Variants in FAM124A observed in about 807,000 individuals in gnomAD.
The protein encoded by FAM124A is protein FAM124A.
In FAM124A, 23 loss-of-function variants were observed where a neutral mutation model predicts 24.5. That is an observed-to-expected ratio of 0.94 (90% CI 0.68 to 1.33). The LOEUF (loss-of-function observed/expected upper bound fraction) is 1.33. Ranked by LOEUF, FAM124A falls within the 40% of genes most tolerant of loss-of-function variation. The probability of loss-of-function intolerance (pLI) is 0.00; values close to 1 mark genes in which losing one functional copy is unlikely to be tolerated. For synonymous variants in FAM124A, 287 were observed against 314.7 expected (o/e 0.91, Z 0.93); for missense variants, 623 against 722.8 (o/e 0.86, Z 1.58).
chr13:51,246,902 A>G (rs555603435), intron 2 of FAM124A, among the ~76,000 whole-genome samples: 6 of 152,280 alleles, frequency 3.9e-5, no homozygotes, highest in Admixed American at 3.9e-4. Context: ...CTTCACACCC[A>G]AGCCTCTCAC....
intron 2 of FAM124A, among the ~76,000 whole-genome samples, chr13:51,239,697 A>G (rs991963856): frequency 6.6e-6 from 1 of 152,144 alleles, no homozygotes; most frequent in South Asian, 2.1e-4. Context: ...TAAAAACTGT[A>G]CTCTTTAAAG....
At chr13:51,277,066 A>G (rs1954891952) in intron 3 of FAM124A, among the ~76,000 whole-genome samples, 2 of 152,182 alleles carry the variant, frequency 1.3e-5, no homozygotes. Flanking sequence ...TAGCAAAGAT[A>G]TGGAATCAAC....
At chr13:51,255,208 T>C (rs1227906006) in intron 3 of FAM124A, among the ~76,000 whole-genome samples, 1 of 152,094 alleles carries the variant, frequency 6.6e-6, no homozygotes, top group African/African-American at 2.4e-5. Flanking sequence ...TGATGACAAT[T>C]AGAACAAAGG....
rs554300460 is a variant in FAM124A at position 51,258,928 on chromosome 13, T to G, written c.834+6727T>G. On this transcript the variant is annotated intron_variant, in intron 3 of 3. Transcript: ENST00000322475. The surrounding 1 kb of genome is among the most constrained non-coding windows in gnomAD (Gnocchi z 4.2). ...CTGAGCAGAGCTGGGGCAGATGCTG[T>G]TCCGGGGGCACTGGGGAGCCCCAGG... is the stretch of plus-strand genomic sequence containing the variant. 1.8e-4 allele frequency among the ~76,000 whole-genome samples: 27 copies of G among 152,268 alleles called. No individual in the cohort carries two copies. The highest frequency in any genetic ancestry group is 1.6e-3 in the Admixed American group (24 of 15,306).
In FAM124A at chr13:51,272,308, C is replaced by T. The variant is rs1954846545; in HGVS notation, c.835-8142C>T. On this transcript the variant is annotated intron_variant, in intron 3 of 3. Transcript: ENST00000322475. This position sits in a 1 kb window ranked among gnomAD's most constrained non-coding sequence, Gnocchi z 4.2. Reference sequence around the variant, plus strand: ...TCAAGAGTCCCCAAACCACACTCCCCTCCTGCCCGCACTGATTGTCTCTTG... The same window carrying T: ...TCAAGAGTCCCCAAACCACACTCCCTTCCTGCCCGCACTGATTGTCTCTTG... Among the ~76,000 whole-genome samples, 2 of 152,146 alleles carry T rather than the reference C, an allele frequency of 1.3e-5. No individual in the cohort carries two copies. The highest frequency in any genetic ancestry group is 2.4e-5 in the African/African-American group (1 of 41,430).
rs3138586 is a variant in FAM124A, at chr13:51,272,566, T to TACACACACACACACACACAC, written c.835-7875_835-7856dup. On this transcript the variant is annotated intron_variant, in intron 3 of 3. Transcript: ENST00000322475. The surrounding 1 kb of genome is among the most constrained non-coding windows in gnomAD (Gnocchi z 4.2). ...ACCTATTTTTGTAAATAAAGCCTTA[T>TACACACACACACACACACAC]ACACACACACACACACACACACACA... 9.9e-4 allele frequency among the ~76,000 whole-genome samples: 148 copies of TACACACACACACACACACAC among 148,962 alleles called. 2 individuals carry two copies. The South Asian group carries it at 0.019, about 19-fold the overall frequency.
intron 2 of FAM124A, among the ~76,000 whole-genome samples, chr13:51,246,408 G>T (rs1000083001): frequency 3.5e-5 from 5 of 143,672 alleles, no homozygotes; most frequent in East Asian, 2.2e-4. Flanking sequence ...GTGGGGTGGG[G>T]GGGGGTGTAA....
At position 51,281,039 on chromosome 13, in the gene FAM124A, C is replaced by A. The variant is rs764976880; in HGVS notation, c.1424C>A (p.Ala475Asp). 6 of 1,614,138 alleles carry A rather than the reference C, an allele frequency of 3.7e-6. No homozygotes were observed. The South Asian group carries it at 5.5e-5, about 15-fold the overall frequency. ...ACTGTCAGCAGGGTGACCACAGAGG[C>A]CTCCTGGGCTTCCCTCCCTTTCTTC... is the stretch of plus-strand genomic sequence containing the variant. ...LPTVSRVTTE[A>D]SWASLPFFTK... The change falls in exon 4 of 4, where the codon GCC becomes GAC. Residue 475 changes from alanine (A) to aspartate (D), a missense_variant. Coordinates refer to ENST00000322475, the MANE Select transcript of FAM124A (RefSeq NM_001242312.2).
chr13:51,244,680 G>C (rs1438166525), intron 2 of FAM124A, among the ~76,000 whole-genome samples: 1 of 152,176 alleles, frequency 6.6e-6, no homozygotes, highest in African/African-American at 2.4e-5. Context: ...CGGGCAAGCA[G>C]TGCAGGCATG....
chr13:51,240,003 A>G (rs962106494), intron 2 of FAM124A, among the ~76,000 whole-genome samples: 9 of 152,238 alleles, frequency 5.9e-5, no homozygotes, highest in African/African-American at 1.7e-4. Flanking sequence ...GGACTACAGT[A>G]ACAGCCACAG....
At position 51,247,348 on chromosome 13, in the gene FAM124A, A is replaced by G. The variant is rs1306782519; in HGVS notation, c.101-4120A>G. 2.0e-5 allele frequency among the ~76,000 whole-genome samples: 3 copies of G among 152,172 alleles called. No homozygotes were observed. The East Asian group carries it at 5.8e-4, about 29-fold the overall frequency. On this transcript the variant is annotated intron_variant, in intron 2 of 3. Transcript: ENST00000322475. ...GGAGCTAGTGCTCATACTCTGTGTGACCTTGGCAGGCTACTTCACCTCCTG... is the reference window on the plus strand; with the variant it reads ...GGAGCTAGTGCTCATACTCTGTGTGGCCTTGGCAGGCTACTTCACCTCCTG...
At chr13:51,245,271 GA>G in intron 2 of FAM124A, 1 of 624,172 alleles carries the variant, frequency 1.6e-6, no homozygotes. Context: ...CACAGCATGT[GA>G]AAATCTGGCC....
At chr13:51,237,914 G>A (rs1287739763) in intron 2 of FAM124A, among the ~76,000 whole-genome samples, 2 of 152,200 alleles carry the variant, frequency 1.3e-5, no homozygotes, top group Non-Finnish European at 2.9e-5. Context: ...AGAGGGCCCT[G>A]CTGCTGGTGG....
chr13:51,282,324 C>G lies in FAM124A; in HGVS notation c.*1068C>G, dbSNP rs1954948034. ...AAAACGGGAAACTTTACCTGAAACG[C>G]TCTCCTGAACAAACACCAGTGCACT... On this transcript the variant is annotated 3_prime_UTR_variant, in exon 4 of 4. Transcript: ENST00000322475. The G allele has an allele frequency of 6.6e-6, 1 of 152,204 alleles. No homozygotes were observed. The highest frequency in any genetic ancestry group is 1.5e-5 in the Non-Finnish European group (1 of 68,030). The allele number at this position is 152,204 out of a possible 1,614,324, so 9.4% of individuals were successfully genotyped here. A position where few individuals can be genotyped will look rare whatever the true frequency, so the allele number is the denominator to read the frequency against.
chr13:51,229,084 TGCATATACTGAGGATCAGAG>T (rs1281513066), intron 1 of FAM124A, among the ~76,000 whole-genome samples: 1 of 152,236 alleles, frequency 6.6e-6, no homozygotes, highest in Non-Finnish European at 1.5e-5. Context: ...GTGTACAAAT[TGCATATACTGAGGATCAGAG>T]GCTGGAGAGC....
chr13:51,228,596 T>C (rs1464447673), intron 1 of FAM124A, among the ~76,000 whole-genome samples: 3 of 152,218 alleles, frequency 2.0e-5, no homozygotes, highest in African/African-American at 7.2e-5. Context: ...GCTACCCTAC[T>C]GCTGTTCCTC....
At chr13:51,268,171 A>C (rs1954807236) in intron 3 of FAM124A, among the ~76,000 whole-genome samples, 1 of 152,252 alleles carries the variant, frequency 6.6e-6, no homozygotes. Flanking sequence ...TCCCCAGTTC[A>C]TTCAATCTCT....
At chr13:51,255,856 A>T (rs1954669979) in intron 3 of FAM124A, among the ~76,000 whole-genome samples, 1 of 152,170 alleles carries the variant, frequency 6.6e-6, no homozygotes, top group South Asian at 2.1e-4. Context: ...GGAAGAATGC[A>T]CCTTCAGATA....
chr13:51,237,185 C>T (rs1566162348), intron 2 of FAM124A, among the ~76,000 whole-genome samples: 2 of 152,128 alleles, frequency 1.3e-5, no homozygotes, highest in Non-Finnish European at 2.9e-5. Flanking sequence ...AGGTCTGCCC[C>T]TATTTTCATT....
Sources: gnomAD v4.1 joint callset for allele counts (sites outside exome capture counted in the v4.1 genomes callset) on GRCh38, gnomAD v4.1.1 for gene constraint, Gnocchi (gnomAD v3.1) non-coding constraint, MANE v1.5 for transcripts, NCBI Gene and HGNC (gene_info 2026-07-23, HGNC 2026-07-21) for gene names.